NRXN3: variants seen among roughly 807,000 people sequenced by gnomAD.
NRXN3 encodes the protein neurexin 3.
In NRXN3, 32 loss-of-function variants were observed where a neutral mutation model predicts 137.6. The ratio of observed to expected loss-of-function variants is 0.23; its 90% CI spans 0.18 to 0.31. NRXN3 has a LOEUF of 0.31. Ranked by LOEUF, NRXN3 falls within the 10% of genes least tolerant of loss-of-function variation. NRXN3 has a pLI of 1.00. For missense variants in NRXN3, 1,574 were observed against 2,062.5 expected (o/e 0.76, Z 4.59); for synonymous variants, 798 against 784.5 (o/e 1.02, Z -0.29).
At chr14:79,137,066 A>G (rs2058307564) in intron 15 of NRXN3, among the ~76,000 whole-genome samples, 1 of 152,084 alleles carries the variant, frequency 6.6e-6, no homozygotes, top group African/African-American at 2.4e-5. Context: ...GGTAGAAAAT[A>G]CTCCCCCAAC....
At chr14:79,067,516 T>C (rs2099682270) in intron 15 of NRXN3, among the ~76,000 whole-genome samples, 1 of 152,126 alleles carries the variant, frequency 6.6e-6, no homozygotes, top group Non-Finnish European at 1.5e-5. Context: ...TCTTCAATTT[T>C]TTGAATAGTT....
intron 4 of NRXN3, among the ~76,000 whole-genome samples, chr14:78,462,735 T>C (rs2094960075): frequency 6.6e-6 from 1 of 152,228 alleles, no homozygotes; most frequent in African/African-American, 2.4e-5. Flanking sequence ...CTATTTGGTA[T>C]GGTGTTTCCC....
At chr14:78,879,862 C>G (rs1488283740) in intron 10 of NRXN3, among the ~76,000 whole-genome samples, 1 of 152,148 alleles carries the variant, frequency 6.6e-6, no homozygotes, top group Non-Finnish European at 1.5e-5. Flanking sequence ...GGAGGGACCC[C>G]CCCTGCCCCC....
intron 10 of NRXN3, among the ~76,000 whole-genome samples, chr14:78,879,796 T>A (rs1234966512): frequency 6.6e-6 from 1 of 152,134 alleles, no homozygotes; most frequent in African/African-American, 2.4e-5. Context: ...GAAAAGCAGG[T>A]GAGCCTTAGA....
intron 8 of NRXN3, among the ~76,000 whole-genome samples, chr14:78,726,301 A>G (rs1175525685): frequency 6.6e-6 from 1 of 152,006 alleles, no homozygotes; most frequent in African/African-American, 2.4e-5. Context: ...TCAACCCATC[A>G]CTTACATTAG....
chr14:79,141,272 A>G (rs2058763678), intron 15 of NRXN3, among the ~76,000 whole-genome samples: 1 of 152,216 alleles, frequency 6.6e-6, no homozygotes, highest in South Asian at 2.1e-4. Flanking sequence ...GTACCTACTT[A>G]TCACAAGCAC....
intron 4 of NRXN3, among the ~76,000 whole-genome samples, chr14:78,541,106 C>T (rs1162429720): frequency 6.6e-6 from 1 of 151,966 alleles, no homozygotes; most frequent in Non-Finnish European, 1.5e-5. Flanking sequence ...TGGGGTTGCT[C>T]TTCTTGAGGA....
chr14:79,709,279 A>G (rs1013447302), intron 19 of NRXN3, among the ~76,000 whole-genome samples: 3 of 152,086 alleles, frequency 2.0e-5, no homozygotes, highest in African/African-American at 7.2e-5. Context: ...TCTCTTCCAA[A>G]TGGTCTTCCC....
intron 8 of NRXN3, among the ~76,000 whole-genome samples, chr14:78,768,909 G>A (rs1318641183): frequency 3.3e-5 from 5 of 152,114 alleles, no homozygotes; most frequent in Admixed American, 6.6e-5. Context: ...ATGTTTTAAG[G>A]TTTTTAAGGA....
chr14:78,483,981 T>TAC (rs71979335), intron 4 of NRXN3, among the ~76,000 whole-genome samples: 4,786 of 123,192 alleles, frequency 0.039, 98 homozygotes, highest in Admixed American at 0.066. Context: ...GGGATGCTCT[T>TAC]ACACACACAC....
chr14:78,528,856 C>G (rs1235075221), intron 4 of NRXN3, among the ~76,000 whole-genome samples: 2 of 152,112 alleles, frequency 1.3e-5, no homozygotes, highest in Non-Finnish European at 2.9e-5. Flanking sequence ...AATTCTGTAT[C>G]TAGATTACCA....
At chr14:78,922,175 C>T (rs73323357) in intron 10 of NRXN3, among the ~76,000 whole-genome samples, 2,650 of 152,194 alleles carry the variant, frequency 0.017, 77 homozygotes, top group African/African-American at 0.061. Flanking sequence ...AATATTTTAT[C>T]GTCCTATATG....
chr14:78,261,363 G>T (rs1315426036), intron 2 of NRXN3, among the ~76,000 whole-genome samples: 2 of 152,144 alleles, frequency 1.3e-5, no homozygotes, highest in East Asian at 1.9e-4. Context: ...CATACAAGCT[G>T]CCCTGGACTG....
intron 4 of NRXN3, among the ~76,000 whole-genome samples, chr14:78,411,351 T>A (rs2092818475): frequency 6.6e-6 from 1 of 152,096 alleles, no homozygotes; most frequent in Non-Finnish European, 1.5e-5. Context: ...AGTGGAGGGG[T>A]TCTGATTAAG....
intron 14 of NRXN3, among the ~76,000 whole-genome samples, chr14:78,970,367 A>G (rs990556621): frequency 3.3e-5 from 5 of 152,098 alleles, no homozygotes; most frequent in Admixed American, 6.5e-5. Flanking sequence ...TTATTTCAGA[A>G]TGTAATAGAG....
intron 4 of NRXN3, among the ~76,000 whole-genome samples, chr14:78,422,071 C>T (rs1045438183): frequency 2.0e-5 from 3 of 152,130 alleles, no homozygotes; most frequent in Non-Finnish European, 4.4e-5. Flanking sequence ...ATGCCTTCCT[C>T]ACAGGTCCCT....
chr14:78,814,547 G>A (rs191928830), intron 10 of NRXN3, among the ~76,000 whole-genome samples: 9 of 152,236 alleles, frequency 5.9e-5, no homozygotes, highest in African/African-American at 1.4e-4. Flanking sequence ...TCCAGGAGGC[G>A]GAGGTTGCAG....
intron 19 of NRXN3, among the ~76,000 whole-genome samples, chr14:79,778,667 A>T (rs2099104947): frequency 6.6e-6 from 1 of 152,168 alleles, no homozygotes; most frequent in Non-Finnish European, 1.5e-5. Context: ...AGAGGCTTAA[A>T]ATATGGTAGT....
At position 78,191,988 on chromosome 14, in the gene NRXN3, G is replaced by A. The variant is rs1266963207; in HGVS notation, c.-704+21314G>A. On this transcript the variant is annotated intron_variant, in intron 1 of 20. Coordinates refer to ENST00000335750, the MANE Select transcript of NRXN3 (RefSeq NM_001330195.2). ...CAGTGGACTGAGGTACAAAATCCTGGTATTCCTGTGTGGGGCTGCCACGAG... is the reference window on the plus strand; with the variant it reads ...CAGTGGACTGAGGTACAAAATCCTGATATTCCTGTGTGGGGCTGCCACGAG... Among the ~76,000 whole-genome samples, 3 of 151,986 alleles carry A rather than the reference G, an allele frequency of 2.0e-5. No homozygotes were observed. In the South Asian group the frequency reaches 6.2e-4, roughly 32 times the overall value.
Sources: gnomAD v4.1 joint callset for allele counts (sites outside exome capture counted in the v4.1 genomes callset) on GRCh38, gnomAD v4.1.1 for gene constraint, MANE v1.5 for transcripts, NCBI Gene and HGNC (gene_info 2026-07-23, HGNC 2026-07-21) for gene names.